Variants in CLSTN2 observed in about 807,000 individuals in gnomAD.
CLSTN2 encodes the protein calsyntenin 2.
A neutral mutation model predicts 101.2 loss-of-function variants in CLSTN2; 48 were observed. The ratio of observed to expected loss-of-function variants is 0.47; its 90% CI spans 0.38 to 0.60. The LOEUF is 0.60. CLSTN2 is among the 20% of genes least tolerant of loss of function. The pLI is 0.00. For synonymous variants in CLSTN2, 481 were observed against 463.6 expected (o/e 1.04, Z -0.48); for missense variants, 1,160 against 1,238.2 (o/e 0.94, Z 0.95).
intron 15 of CLSTN2, 114 bp from the exon 16 acceptor site, chr3:140,563,847 T>C: frequency 2.0e-6 from 2 of 1,009,462 alleles, no homozygotes; most frequent in Non-Finnish European, 3.1e-6. Context: ...GTTCTACAGC[T>C]GGGAAGTGGT....
chr3:140,034,047 T>C (rs1175055529), intron 1 of CLSTN2, among the ~76,000 whole-genome samples: 2 of 152,238 alleles, frequency 1.3e-5, no homozygotes, highest in East Asian at 1.9e-4. Context: ...GTAAATGTGA[T>C]CAAATGTGTA....
At chr3:140,106,450 C>G (rs2009059590) in intron 1 of CLSTN2, among the ~76,000 whole-genome samples, 1 of 152,176 alleles carries the variant, frequency 6.6e-6, no homozygotes. Flanking sequence ...AGAGTGAGGC[C>G]TCCCTGACAC....
In CLSTN2 at chr3:140,175,983, T is replaced by C. The variant is rs2010317382; in HGVS notation, c.142T>C (p.Tyr48His). 1 of 1,613,560 alleles carries C rather than the reference T, an allele frequency of 6.2e-7. No individual in the cohort carries two copies. Among genetic ancestry groups the C allele is most frequent in the Non-Finnish European group, 8.5e-7 (1 of 1,179,678 alleles). Residue 48 changes from tyrosine to histidine, a missense_variant, in exon 2 of 17, where the codon TAT becomes CAT. Transcript: ENST00000458420. ...GCACAAGCCATGGATCGAGACTTCA[T>C]ATCATGGAGTCATAACTGAGAACAA... ...NKHKPWIETS[Y>H]HGVITENNDT...
intron 1 of CLSTN2, among the ~76,000 whole-genome samples, chr3:140,094,212 C>T (rs1289643866): frequency 1.3e-5 from 2 of 152,114 alleles, no homozygotes; most frequent in Non-Finnish European, 2.9e-5. Context: ...CTAAAAACAT[C>T]TTTTTTCTAA....
At chr3:140,294,516 C>T (rs993506569) in intron 2 of CLSTN2, among the ~76,000 whole-genome samples, 3 of 149,176 alleles carry the variant, frequency 2.0e-5, no homozygotes, top group Admixed American at 2.0e-4. Flanking sequence ...TCTGCTTCCT[C>T]TGCTTCCATT....
At chr3:140,086,782 A>C (rs575717512) in intron 1 of CLSTN2, among the ~76,000 whole-genome samples, 1 of 152,202 alleles carries the variant, frequency 6.6e-6, no homozygotes, top group Non-Finnish European at 1.5e-5. Flanking sequence ...GACTTTTGTC[A>C]TTGCTTAATC....
At chr3:140,168,583 A>G (rs6776629) in intron 1 of CLSTN2, among the ~76,000 whole-genome samples, 8,322 of 152,030 alleles carry the variant, frequency 0.055, 568 homozygotes, top group African/African-American at 0.16. Context: ...ACCCAAGGAC[A>G]CTAAGATTTT....
intron 2 of CLSTN2, among the ~76,000 whole-genome samples, chr3:140,391,368 T>TG (rs1291536474): frequency 0.081 from 212 of 2,616 alleles, no homozygotes; most frequent in African/African-American, 0.22. Context: ...ACTATTTGCG[T>TG]GGGGGGGTGG....
rs1375924279 is a variant in CLSTN2, at chr3:140,419,542, C to T, written c.638-1583C>T. Among the ~76,000 whole-genome samples, 2 of 50,800 alleles carry T rather than the reference C, an allele frequency of 3.9e-5. 1 individual carries two copies. The highest frequency in any genetic ancestry group is 6.2e-5 in the Non-Finnish European group (2 of 32,464). 33.3% of individuals were successfully genotyped at this position (50,800 alleles called of 152,430 possible). A position where few individuals can be genotyped will look rare whatever the true frequency, so the allele number is the denominator to read the frequency against. On this transcript the variant is annotated intron_variant, in intron 4 of 16. Coordinates refer to ENST00000458420, the MANE Select transcript of CLSTN2 (RefSeq NM_022131.3). ...ACACATATGTGTGTGTATATATATA[C>T]ATATATACGTGTACGTATATATGTA...
chr3:140,188,592 G>A (rs11706003), intron 2 of CLSTN2, among the ~76,000 whole-genome samples: 33,177 of 152,132 alleles, frequency 0.22, 3,895 homozygotes, highest in Non-Finnish European at 0.26. Context: ...GGCCTGGCTA[G>A]GGTAAGTCTG....
At chr3:140,556,699 A>C (rs1009106333) in intron 11 of CLSTN2, 38 bp downstream of exon 11, 18 of 1,602,384 alleles carry the variant, frequency 1.1e-5, no homozygotes, top group Non-Finnish European at 1.5e-5. Context: ...CAACTGAGGC[A>C]GCAGTTGGGA....
At position 140,305,052 on chromosome 3, in the gene CLSTN2, ACACTCTCT is replaced by A. The variant is rs1244614905; in HGVS notation, c.233-98575_233-98568del. ...CACACACACACACACACACACACAC[ACACTCTCT>A]CTCTCTCTCTCTGTCTCTCTTTCTC... On this transcript the variant is annotated intron_variant, in intron 2 of 16. Coordinates refer to ENST00000458420, the MANE Select transcript of CLSTN2 (RefSeq NM_022131.3). Among the ~76,000 whole-genome samples the A allele has an allele frequency of 3.2e-4, 40 of 123,200 alleles. 1 individual carries two copies. In the South Asian group the frequency reaches 5.1e-3, roughly 16 times the overall value. 80.8% of individuals were successfully genotyped at this position (123,200 alleles called of 152,430 possible). A position where few individuals can be genotyped will look rare whatever the true frequency, so the allele number is the denominator to read the frequency against.
intron 5 of CLSTN2, among the ~76,000 whole-genome samples, chr3:140,438,431 T>TAAAAAAAAAAAAA (rs60186664): frequency 2.2e-4 from 10 of 45,670 alleles, no homozygotes; most frequent in African/African-American, 3.8e-4. Flanking sequence ...GTCCTTTCAT[T>TAAAAAAAAAAAAA]AAAAAAAAAA....
chr3:140,211,735 A>T (rs540183034), intron 2 of CLSTN2, among the ~76,000 whole-genome samples: 60 of 152,040 alleles, frequency 3.9e-4, no homozygotes, highest in African/African-American at 1.3e-3. Flanking sequence ...AACCTAAATA[A>T]CCCACCCCTT....
intron 1 of CLSTN2, among the ~76,000 whole-genome samples, chr3:140,079,772 A>G (rs1251573024): frequency 2.0e-5 from 3 of 152,032 alleles, no homozygotes; most frequent in Non-Finnish European, 4.4e-5. Flanking sequence ...GAAAGAAAAA[A>G]AAGAAAGAAA....
At chr3:140,255,405 C>T (rs918255728) in intron 2 of CLSTN2, among the ~76,000 whole-genome samples, 3 of 152,144 alleles carry the variant, frequency 2.0e-5, no homozygotes, top group African/African-American at 7.2e-5. Context: ...AACCTAGATG[C>T]CCATCAACAG....
intron 1 of CLSTN2, among the ~76,000 whole-genome samples, chr3:140,166,286 T>C (rs1441561240): frequency 6.6e-6 from 1 of 152,224 alleles, no homozygotes; most frequent in Non-Finnish European, 1.5e-5. Flanking sequence ...CCAGTATCTA[T>C]CTTGGCCTAA....
Position 139,955,112 on chromosome 3 carries a change from C to CCATATATATATATATATA in CLSTN2, c.109+19629_109+19630insCATATATATATATATATA, listed in dbSNP as rs1553785577. ...CATACATGTATATATGGCAATATTGCTATATATATATATATATATATATAT... is the reference window on the plus strand; with the variant it reads ...CATACATGTATATATGGCAATATTGCCATATATATATATATATATATATATATATATATATATATATAT... On this transcript the variant is annotated intron_variant, in intron 1 of 16. Coordinates refer to ENST00000458420, the MANE Select transcript of CLSTN2 (RefSeq NM_022131.3). Among the ~76,000 whole-genome samples, 52 of 71,544 alleles carry CCATATATATATATATATA rather than the reference C, an allele frequency of 7.3e-4. 1 individual carries two copies. The highest frequency in any genetic ancestry group is 1.1e-3 in the East Asian group (2 of 1,834). 46.9% of individuals were successfully genotyped at this position (71,544 alleles called of 152,430 possible). A position where few individuals can be genotyped will look rare whatever the true frequency, so the allele number is the denominator to read the frequency against.
intron 2 of CLSTN2, among the ~76,000 whole-genome samples, chr3:140,395,014 A>G (rs941559920): frequency 2.0e-5 from 3 of 152,176 alleles, no homozygotes; most frequent in Non-Finnish European, 2.9e-5. Flanking sequence ...GTCTCTCAGC[A>G]TATAAATAAG....
Sources: gnomAD v4.1 joint callset for allele counts (sites outside exome capture counted in the v4.1 genomes callset) on GRCh38, gnomAD v4.1.1 for gene constraint, MANE v1.5 for transcripts, NCBI Gene and HGNC (gene_info 2026-07-23, HGNC 2026-07-21) for gene names.